TATDN1: variants seen among roughly 807,000 people sequenced by gnomAD.
The protein encoded by TATDN1 is deoxyribonuclease TATDN1.
Under a neutral mutation model 46.4 loss-of-function variants are expected in TATDN1, and 40 were observed. The observed-to-expected ratio is 0.86, with a 90% confidence interval of 0.67 to 1.12. TATDN1 has a LOEUF of 1.12. Ranked by LOEUF, TATDN1 falls within the 50% of genes most tolerant of loss-of-function variation. TATDN1 has a pLI of 0.00. For missense variants in TATDN1, 326 were observed against 348.4 expected (o/e 0.94, Z 0.51); for synonymous variants, 95 against 105.6 (o/e 0.90, Z 0.62).
chr8:124,488,758 T>C, intron 11 of TATDN1, 62 bp from the exon 12 acceptor site: 2 of 980,854 alleles, frequency 2.0e-6, no homozygotes, highest in Non-Finnish European at 1.6e-6. Flanking sequence ...TCTAAAGCTA[T>C]ATAATATTTT....
intron 11 of TATDN1, chr8:124,489,403 CT>C (rs11443180): frequency 5.5e-5 from 8 of 146,750 alleles, no homozygotes; most frequent in African/African-American, 1.0e-4. Flanking sequence ...TCTTTCCTTT[CT>C]TTTTTTTTTC....
intron 1 of TATDN1, among the ~76,000 whole-genome samples, chr8:124,534,844 C>A (rs1821293203): frequency 6.6e-6 from 1 of 152,214 alleles, no homozygotes; most frequent in African/African-American, 2.4e-5. Context: ...GAGGTTCCCA[C>A]AACCCCCTTC....
chr8:124,493,109 A>G (rs1239543826), intron 11 of TATDN1, among the ~76,000 whole-genome samples: 6 of 152,238 alleles, frequency 3.9e-5, no homozygotes, highest in Admixed American at 2.0e-4. Context: ...AAGATGGTGC[A>G]TATGCAATGA....
intron 1 of TATDN1, among the ~76,000 whole-genome samples, chr8:124,526,432 C>T (rs766632371): frequency 3.9e-5 from 6 of 152,208 alleles, no homozygotes; most frequent in Non-Finnish European, 7.3e-5. Flanking sequence ...AAACCAATGT[C>T]TAGCCAGATC....
intron 1 of TATDN1, chr8:124,526,822 G>C (rs1432916922): frequency 6.6e-6 from 1 of 152,178 alleles, no homozygotes; most frequent in Non-Finnish European, 1.5e-5. Context: ...TGTCACCTAT[G>C]ATCTAGGAAT....
At chr8:124,502,217 T>G (rs944607721) in intron 9 of TATDN1, among the ~76,000 whole-genome samples, 1 of 151,526 alleles carries the variant, frequency 6.6e-6, no homozygotes, top group Non-Finnish European at 1.5e-5. Flanking sequence ...GGCGGGCACC[T>G]GTAATCCCAG....
intron 4 of TATDN1, among the ~76,000 whole-genome samples, chr8:124,516,397 G>C (rs1308847168): frequency 6.6e-6 from 1 of 151,820 alleles, no homozygotes; most frequent in Non-Finnish European, 1.5e-5. Context: ...TGACCTCCTG[G>C]GCTCAAGCGA....
intron 10 of TATDN1, chr8:124,495,162 G>C: frequency 2.9e-6 from 1 of 340,656 alleles, no homozygotes; most frequent in Non-Finnish European, 5.3e-6. Flanking sequence ...TTGAAACTTG[G>C]AAGTGTGATG....
At chr8:124,507,819 A>T (rs1037598165) in intron 8 of TATDN1, among the ~76,000 whole-genome samples, 3 of 151,916 alleles carry the variant, frequency 2.0e-5, no homozygotes, top group East Asian at 3.9e-4. Context: ...CACACAAAAA[A>T]CAAAAAAAAT....
At chr8:124,511,029 C>A (rs1256671674) in intron 6 of TATDN1, among the ~76,000 whole-genome samples, 2 of 152,086 alleles carry the variant, frequency 1.3e-5, no homozygotes, top group African/African-American at 2.4e-5. Context: ...GAAGAAAAAC[C>A]CGCCATGGTA....
At chr8:124,523,645 G>T (rs1003454234) in intron 1 of TATDN1, among the ~76,000 whole-genome samples, 4 of 152,120 alleles carry the variant, frequency 2.6e-5, no homozygotes, top group Non-Finnish European at 5.9e-5. Flanking sequence ...CATTTACATA[G>T]CATTTACATC....
In TATDN1 at chr8:124,518,892, A is replaced by C. The variant is rs1464588944; in HGVS notation, c.139-11T>G. ...ACCTGTAATCATAAACTGAAATAGAAAGAAAATAAAATAAGCTGACTTTAA... is the reference window on the plus strand; with the variant it reads ...ACCTGTAATCATAAACTGAAATAGACAGAAAATAAAATAAGCTGACTTTAA... On this transcript the variant is annotated splice_polypyrimidine_tract_variant and intron_variant, in intron 3 of 11. Transcript: ENST00000276692. 3.8e-6 allele frequency: 6 copies of C among 1,583,254 alleles called. No homozygotes were observed. In the African/African-American group the frequency reaches 6.8e-5, roughly 18 times the overall value.
intron 1 of TATDN1, among the ~76,000 whole-genome samples, chr8:124,535,356 A>G (rs1360751856): frequency 6.6e-6 from 1 of 152,230 alleles, no homozygotes; most frequent in African/African-American, 2.4e-5. Context: ...CTCAAAGTCT[A>G]AAATATTTAC....
At chr8:124,532,459 T>G (rs1821048979) in intron 1 of TATDN1, among the ~76,000 whole-genome samples, 1 of 152,106 alleles carries the variant, frequency 6.6e-6, no homozygotes, top group African/African-American at 2.4e-5. Flanking sequence ...AATTTTTGTG[T>G]TTTTTATAGA....
intron 6 of TATDN1, among the ~76,000 whole-genome samples, chr8:124,512,202 C>G (rs1423165159): frequency 6.6e-6 from 1 of 152,136 alleles, no homozygotes; most frequent in Non-Finnish European, 1.5e-5. Flanking sequence ...GTGGGCGGAT[C>G]ACTTGAGGTC....
At chr8:124,528,419 C>T (rs774930209) in intron 1 of TATDN1, among the ~76,000 whole-genome samples, 9 of 152,212 alleles carry the variant, frequency 5.9e-5, no homozygotes, top group South Asian at 4.2e-4. Context: ...GTGATCCTCC[C>T]GCCTCGGCCT....
chr8:124,496,346 T>G (rs1376725039), intron 9 of TATDN1, among the ~76,000 whole-genome samples: 1 of 152,176 alleles, frequency 6.6e-6, no homozygotes, highest in Non-Finnish European at 1.5e-5. Context: ...GACACAAAAC[T>G]GTCACCCAAA....
intron 4 of TATDN1, 23 bp from the exon 5 acceptor site, chr8:124,516,053 G>C (rs1472845312): frequency 6.5e-7 from 1 of 1,549,218 alleles, no homozygotes; most frequent in Non-Finnish European, 8.7e-7. Context: ...AATGTCTTAG[G>C]ATTATTTTCA....
chr8:124,512,180 T>C (rs1036613356), intron 6 of TATDN1, among the ~76,000 whole-genome samples: 1 of 152,222 alleles, frequency 6.6e-6, no homozygotes, highest in Non-Finnish European at 1.5e-5. Flanking sequence ...CCTAGCACTT[T>C]GGGAGGCCGT....
Sources: allele counts gnomAD v4.1 joint callset (sites outside exome capture counted in the v4.1 genomes callset), GRCh38; gene constraint gnomAD v4.1.1; transcripts MANE v1.5; gene names NCBI Gene and HGNC (gene_info 2026-07-23, HGNC 2026-07-21).